DNAH14: variants seen among roughly 807,000 people sequenced by gnomAD.
DNAH14 encodes the protein dynein axonemal heavy chain 14.
Under a neutral mutation model 520.9 loss-of-function variants are expected in DNAH14, and 478 were observed. That is an observed-to-expected ratio of 0.92 (90% confidence interval 0.85 to 0.99). DNAH14 has a LOEUF of 0.99. Among genes scored for constraint, DNAH14 ranks in the 50% least tolerant of loss-of-function variants. DNAH14 has a pLI of 0.00. For synonymous variants in DNAH14, 1,581 were observed against 1,757.2 expected, an observed-to-expected ratio of 0.90 and a Z score of 2.51; for missense variants, 4,831 against 5,234.5, an observed-to-expected ratio of 0.92 and a Z score of 2.38.
chr1:225,027,770 G>A (rs1053080835), intron 11 of DNAH14, among the ~76,000 whole-genome samples: 4 of 151,992 alleles, frequency 2.6e-5, no homozygotes, highest in Non-Finnish European at 4.4e-5. Context: ...ATTACAATTC[G>A]GCATGAGATT....
At chr1:225,218,634 C>A (rs1211780381) in intron 41 of DNAH14, among the ~76,000 whole-genome samples, 1 of 152,102 alleles carries the variant, frequency 6.6e-6, no homozygotes. Flanking sequence ...TGTATGCATC[C>A]AATACAGGAG....
intron 36 of DNAH14, among the ~76,000 whole-genome samples, chr1:225,182,031 T>C (rs1235681289): frequency 6.6e-6 from 1 of 150,620 alleles, no homozygotes; most frequent in Non-Finnish European, 1.5e-5. Context: ...TACTAAAAAA[T>C]AAAAATACCA....
chr1:225,100,638 G>A (rs1175114647), intron 22 of DNAH14, 75 bp from the exon 23 acceptor site: 6 of 1,084,532 alleles, frequency 5.5e-6, no homozygotes, highest in Non-Finnish European at 6.3e-6. Flanking sequence ...GTATTCCGTG[G>A]CAATGCATTA....
chr1:224,987,777 C>T (rs1038688566), intron 8 of DNAH14, among the ~76,000 whole-genome samples: 5 of 152,132 alleles, frequency 3.3e-5, no homozygotes, highest in Admixed American at 1.3e-4. Context: ...CAGGCGCCCG[C>T]CACCATGCCC....
At chr1:225,250,689 G>A (rs190087833) in intron 43 of DNAH14, 5 of 557,534 alleles carry the variant, frequency 9.0e-6, no homozygotes, top group East Asian at 3.3e-5. Flanking sequence ...CAGGGCAGAC[G>A]GAGAAAGGGG....
At chr1:225,018,129 A>G (rs941551006) in intron 10 of DNAH14, among the ~76,000 whole-genome samples, 3 of 152,210 alleles carry the variant, frequency 2.0e-5, no homozygotes, top group Admixed American at 6.5e-5. Context: ...TCATCGAGGT[A>G]CAAGAGAAGG....
chr1:225,318,771 C>A, intron 61 of DNAH14, 94 bp downstream of exon 61: 1 of 1,164,176 alleles, frequency 8.6e-7, no homozygotes, highest in Non-Finnish European at 1.2e-6. Context: ...AGCCTATATA[C>A]TAAGCCTATA....
rs145601562 is a variant in DNAH14, at chr1:225,324,281, G to A, written c.9555G>A (p.Ser3185=). 12 of 1,551,704 alleles carry A rather than the reference G, an allele frequency of 7.7e-6. No homozygotes were observed. Among genetic ancestry groups the A allele is most frequent in the African/African-American group, 4.1e-5 (3 of 73,146 alleles). ...TLPDFNPHKI[S]LVSVACCSLC... Reference sequence around the variant, plus strand: ...CTGATTTCAACCCACACAAGATTTCGCTGGTTTCTGTTGCTTGTTGCTCCC... The same window carrying A: ...CTGATTTCAACCCACACAAGATTTCACTGGTTTCTGTTGCTTGTTGCTCCC... Residue 3185 remains serine (S), a synonymous_variant, in exon 63 of 86, where the codon TCG becomes TCA. Coordinates refer to ENST00000682510, the MANE Select transcript of DNAH14 (RefSeq NM_001367479.1).
intron 38 of DNAH14, among the ~76,000 whole-genome samples, chr1:225,194,118 C>A (rs531044259): frequency 5.4e-4 from 82 of 152,254 alleles, no homozygotes; most frequent in African/African-American, 1.9e-3. Context: ...AATGGCCATA[C>A]TGCGCAAAGC....
rs137920811 is a variant in DNAH14, at chr1:224,998,061, T to G, written c.831-4722T>G. On this transcript the variant is annotated intron_variant, in intron 8 of 85. Coordinates refer to ENST00000682510, the MANE Select transcript of DNAH14 (RefSeq NM_001367479.1). ...GAATTGGTACGTTTCATCTAAGTTG[T>G]CAGATTTATGTATAGAATTATTCAT... Among the ~76,000 whole-genome samples, 718 of 152,284 alleles carry G rather than the reference T, an allele frequency of 4.7e-3. 3 individuals are homozygous for G. The highest frequency in any genetic ancestry group is 0.016 in the African/African-American group (674 of 41,566).
intron 84 of DNAH14, 83 bp from the exon 85 acceptor site, chr1:225,398,437 C>G: frequency 6.8e-7 from 1 of 1,467,956 alleles, no homozygotes; most frequent in African/African-American, 1.4e-5. Context: ...CCCTCTGGAT[C>G]GGTCGGCTCA....
chr1:225,379,946 A>C (rs2095758762), intron 79 of DNAH14, among the ~76,000 whole-genome samples: 2 of 152,144 alleles, frequency 1.3e-5, no homozygotes, highest in Admixed American at 6.6e-5. Context: ...CATCTCAAAC[A>C]TTTATCCTTT....
At chr1:224,931,030 GC>G (rs1285678296) in intron 1 of DNAH14, among the ~76,000 whole-genome samples, 1 of 152,238 alleles carries the variant, frequency 6.6e-6, no homozygotes, top group African/African-American at 2.4e-5. Flanking sequence ...GGAGATGACA[GC>G]TCCATGTGTT....
chr1:224,935,318 A>G (rs545735910), intron 1 of DNAH14, among the ~76,000 whole-genome samples: 3 of 152,076 alleles, frequency 2.0e-5, no homozygotes, highest in Non-Finnish European at 4.4e-5. Context: ...AAAAAGATTC[A>G]GCTATATGCT....
At position 225,333,439 on chromosome 1, in the gene DNAH14, G is replaced by A. The variant is rs1198382272; in HGVS notation, c.10013G>A (p.Cys3338Tyr). 5 of 1,551,242 alleles carry A rather than the reference G, an allele frequency of 3.2e-6. No individual in the cohort carries two copies. In the Admixed American group the frequency reaches 7.8e-5, roughly 24 times the overall value. ...QLIVNKWETF[C>Y]IENGISLSSK... ...ATTGTGAATAAATGGGAGACATTCT[G>A]CATTGAAAATGGCATTTCTTTGTCT... is the stretch of plus-strand genomic sequence containing the variant. Residue 3338 changes from cysteine to tyrosine, a missense_variant, in exon 66 of 86, where the codon TGC becomes TAC. By Grantham distance (194) the Cys-to-Tyr change is radical. Transcript: ENST00000682510.
At chr1:225,293,481 T>C (rs2093938009) in intron 55 of DNAH14, among the ~76,000 whole-genome samples, 1 of 147,482 alleles carries the variant, frequency 6.8e-6, no homozygotes, top group East Asian at 2.1e-4. Flanking sequence ...CATGGAATAC[T>C]ATGCAGCCAT....
At chr1:225,259,722 C>T (rs961527082) in intron 46 of DNAH14, among the ~76,000 whole-genome samples, 1 of 152,184 alleles carries the variant, frequency 6.6e-6, no homozygotes, top group Non-Finnish European at 1.5e-5. Context: ...TCCTTCCCAC[C>T]TTACCTGTTG....
Position 225,358,552 on chromosome 1 carries a change from A to G in DNAH14, c.11676A>G (p.Glu3892=). The G allele has an allele frequency of 6.5e-7, 1 of 1,548,942 alleles. No homozygotes were observed. The highest frequency in any genetic ancestry group is 1.2e-5 in the South Asian group (1 of 83,252). Residue 3892 remains glutamate, a synonymous_variant, in exon 74 of 86, where the codon GAA becomes GAG. Coordinates refer to ENST00000682510, the MANE Select transcript of DNAH14 (RefSeq NM_001367479.1). The stretch of plus-strand genomic sequence containing the variant: ...ATTCAGTGAGAAAGTTTATAACTGA[A>G]AAAATGGGAAATAAGTATCTTCAAA... The part of the protein sequence containing the change: ...LNNSVRKFIT[E]KMGNKYLQRT...
At chr1:225,156,354 C>T (rs998305092) in intron 34 of DNAH14, among the ~76,000 whole-genome samples, 1 of 152,140 alleles carries the variant, frequency 6.6e-6, no homozygotes, top group Non-Finnish European at 1.5e-5. Context: ...AGTCTGACAT[C>T]CAGGTTGTGG....
Sources: allele counts gnomAD v4.1 joint callset (sites outside exome capture counted in the v4.1 genomes callset), GRCh38; gene constraint gnomAD v4.1.1; transcripts MANE v1.5; gene names NCBI Gene and HGNC (gene_info 2026-07-23, HGNC 2026-07-21).